Variants in CCL26 observed in about 807,000 individuals in gnomAD.
The protein encoded by CCL26 is C-C motif chemokine ligand 26.
A neutral mutation model predicts 10.7 loss-of-function variants in CCL26; 10 were observed. That is an observed-to-expected ratio of 0.93 (90% CI 0.57 to 1.58). The LOEUF (loss-of-function observed/expected upper bound fraction) is 1.58, where lower values mean the gene tolerates loss of function less well. CCL26 is among the 40% of genes most tolerant of loss of function. The pLI is 0.00. For missense variants in CCL26, 116 were observed against 111.0 expected, an observed-to-expected ratio of 1.05 and a Z score of -0.20; for synonymous variants, 43 against 41.4, an observed-to-expected ratio of 1.04 and a Z score of -0.15.
chr7:75,781,414 G>A (rs781877272), intron 1 of CCL26, among the ~76,000 whole-genome samples: 2 of 152,162 alleles, frequency 1.3e-5, no homozygotes, highest in Non-Finnish European at 2.9e-5. Context: ...CCTACCCCAG[G>A]ATCTTGATTC....
At chr7:75,782,423 T>A (rs563017560) in intron 1 of CCL26, among the ~76,000 whole-genome samples, 2 of 152,236 alleles carry the variant, frequency 1.3e-5, no homozygotes, top group South Asian at 4.2e-4. Flanking sequence ...ACACCTGGTT[T>A]GGCTGCTCAC....
chr7:75,790,899 A>T (rs1308263891), upstream of CCL26, among the ~76,000 whole-genome samples: 1 of 151,124 alleles, frequency 6.6e-6, no homozygotes, highest in Non-Finnish European at 1.5e-5. Context: ...AGCCAAGATT[A>T]CGCCACTGCA....
intron 1 of CCL26, among the ~76,000 whole-genome samples, chr7:75,789,563 C>T (rs1319062571): frequency 6.6e-6 from 1 of 151,528 alleles, no homozygotes; most frequent in African/African-American, 2.4e-5. Flanking sequence ...CTGCCTTTCC[C>T]TGCCTTTGGC....
chr7:75,782,863 A>AC (rs2115681206), intron 1 of CCL26, among the ~76,000 whole-genome samples: 1 of 151,838 alleles, frequency 6.6e-6, no homozygotes, highest in Non-Finnish European at 1.5e-5. Context: ...TTCAGTCTCC[A>AC]CCCCAAGCTC....
At chr7:75,779,141 A>C (rs560362059) in intron 1 of CCL26, among the ~76,000 whole-genome samples, 1 of 151,624 alleles carries the variant, frequency 6.6e-6, no homozygotes, top group African/African-American at 2.4e-5. Flanking sequence ...GAACAACCCC[A>C]TTTGACTGTA....
intron 1 of CCL26, among the ~76,000 whole-genome samples, chr7:75,786,621 G>A (rs1312413726): frequency 2.6e-5 from 4 of 152,114 alleles, no homozygotes; most frequent in Admixed American, 6.6e-5. Context: ...CCATCAAAAG[G>A]CATCAGATCC....
chr7:75,777,972 G>A (rs553349916), intron 1 of CCL26, among the ~76,000 whole-genome samples: 5 of 151,758 alleles, frequency 3.3e-5, no homozygotes, highest in East Asian at 2.0e-4. Flanking sequence ...CACCCGCCTC[G>A]GCCTCCCAAA....
chr7:75,771,905 A>T lies in CCL26; in HGVS notation c.172T>A (p.Ser58Thr), dbSNP rs1554528137. The change falls in exon 2 of 3, where the codon TCC (serine) becomes ACC (threonine). Residue 58 changes from serine to threonine, a missense_variant. Coordinates refer to ENST00000005180, the MANE Select transcript of CCL26 (RefSeq NM_001371938.1). ...AATACTCACATCACAGCCCGCTGGGAGCAGCTGTTACTGGTGAATTCATAG... is the reference window on the plus strand; with the variant it reads ...AATACTCACATCACAGCCCGCTGGGTGCAGCTGTTACTGGTGAATTCATAG... ...RSYEFTSNSC[S>T]QRAVIFTTKR... is the part of the protein sequence containing the mutation. 1.2e-6 allele frequency: 2 copies of T among 1,612,362 alleles called. No homozygotes were observed. Among genetic ancestry groups the T allele is most frequent in the Non-Finnish European group, 1.7e-6 (2 of 1,178,392 alleles).
chr7:75,791,369 C>T (rs1161702482), upstream of CCL26, among the ~76,000 whole-genome samples: 2 of 152,042 alleles, frequency 1.3e-5, no homozygotes, highest in South Asian at 2.1e-4. Context: ...TCAGTCAGGA[C>T]CTTGAGTATG....
chr7:75,782,155 G>A (rs567223165), intron 1 of CCL26, among the ~76,000 whole-genome samples: 21 of 152,072 alleles, frequency 1.4e-4, no homozygotes, highest in Non-Finnish European at 1.8e-4. Flanking sequence ...CAATCTTGGC[G>A]CCACCCTTCA....
chr7:75,770,969 G>A (rs1323946924), intron 2 of CCL26, among the ~76,000 whole-genome samples: 4 of 152,184 alleles, frequency 2.6e-5, no homozygotes, highest in African/African-American at 9.6e-5. Context: ...AACCAAAGGA[G>A]GATAGAAAAT....
chr7:75,770,563 T>C (rs1214458225), intron 2 of CCL26, among the ~76,000 whole-genome samples: 1 of 151,948 alleles, frequency 6.6e-6, no homozygotes, highest in Non-Finnish European at 1.5e-5. Context: ...GTATTTTTAG[T>C]AGAGACAGGG....
rs183767292 is a variant in CCL26 at position 75,783,633 on chromosome 7, A to G, written c.-79+6084T>C. Among the ~76,000 whole-genome samples, 1,119 of 151,868 alleles carry G rather than the reference A, an allele frequency of 7.4e-3. 13 individuals carry two copies. The highest frequency in any genetic ancestry group is 0.025 in the African/African-American group (1,050 of 41,484). ...AAACCCCATCTCTACTAAAAATACA[A>G]AAAATTAGCCAGGAGTGGTGGCAGG... On this transcript the variant is annotated intron_variant, in intron 1 of 3. Coordinates refer to the CCL26 transcript ENST00000394905.
At chr7:75,778,265 A>T (rs1369647268) in intron 1 of CCL26, among the ~76,000 whole-genome samples, 1 of 152,218 alleles carries the variant, frequency 6.6e-6, no homozygotes, top group East Asian at 1.9e-4. Flanking sequence ...TCTGTCACCC[A>T]GGCTGGAGGG....
upstream of CCL26, among the ~76,000 whole-genome samples, chr7:75,774,357 C>T (rs1244781235): frequency 6.6e-6 from 1 of 152,082 alleles, no homozygotes; most frequent in Non-Finnish European, 1.5e-5. Context: ...CCATGTTGGT[C>T]AGTCTTGTCT....
At chr7:75,787,099 G>A (rs1585016449) in intron 1 of CCL26, among the ~76,000 whole-genome samples, 1 of 152,148 alleles carries the variant, frequency 6.6e-6, no homozygotes. Context: ...GGTCTGGGTA[G>A]ACACTTTCAC....
chr7:75,769,741 T>A lies in CCL26; in HGVS notation c.237A>T (p.Lys79Asn). The A allele has an allele frequency of 6.2e-7, 1 of 1,612,000 alleles. No homozygotes were observed. Among genetic ancestry groups the A allele is most frequent in the Non-Finnish European group, 8.5e-7 (1 of 1,178,066 alleles). The change falls in exon 3 of 3, where the codon AAA (lysine) becomes AAT (asparagine). Residue 79 changes from lysine (K) to asparagine (N), a missense_variant. Physicochemically the swap from Lys to Asn is moderately conservative, Grantham distance 94. Coordinates refer to ENST00000005180, the MANE Select transcript of CCL26 (RefSeq NM_001371938.1). ...GTAAAGAAATGTATTTTTGCACCCA[T>A]TTTTTCCTTGGATGGGTACAGACTT... ...GKKVCTHPRK[K>N]WVQKYISLLK...
At chr7:75,786,696 G>T (rs1803191514) in intron 1 of CCL26, among the ~76,000 whole-genome samples, 1 of 152,072 alleles carries the variant, frequency 6.6e-6, no homozygotes, top group Admixed American at 6.6e-5. Flanking sequence ...CGTTCCAATG[G>T]CCAGTTTTTC....
intron 1 of CCL26, among the ~76,000 whole-genome samples, chr7:75,783,183 C>G (rs782666852): frequency 2.6e-5 from 4 of 152,208 alleles, no homozygotes; most frequent in Non-Finnish European, 5.9e-5. Flanking sequence ...TCTTTCTCAT[C>G]AGACCCCACT....
Sources: allele counts gnomAD v4.1 joint callset (sites outside exome capture counted in the v4.1 genomes callset), GRCh38; gene constraint gnomAD v4.1.1; transcripts MANE v1.5; gene names NCBI Gene and HGNC (gene_info 2026-07-23, HGNC 2026-07-21).